Variants in GRIK4 observed in about 807,000 individuals in gnomAD.
GRIK4 encodes the protein glutamate receptor ionotropic, kainate 4.
A neutral mutation model predicts 104.9 loss-of-function variants in GRIK4; 40 were observed. The ratio of observed to expected loss-of-function variants is 0.38; its 90% CI spans 0.30 to 0.50. The LOEUF (loss-of-function observed/expected upper bound fraction) is 0.50. Among genes scored for constraint, GRIK4 ranks in the 20% least tolerant of loss-of-function variants. The pLI is 0.93. For synonymous variants in GRIK4, 485 were observed against 524.9 expected (o/e 0.92, Z 1.04); for missense variants, 1,047 against 1,308.1 (o/e 0.80, Z 3.08).
At chr11:120,644,653 G>A (rs908526641) in intron 1 of GRIK4, among the ~76,000 whole-genome samples, 36 of 152,200 alleles carry the variant, frequency 2.4e-4, no homozygotes, top group African/African-American at 8.4e-4. Context: ...CAGGCCAGGA[G>A]GAAAGTCCAA....
intron 3 of GRIK4, among the ~76,000 whole-genome samples, chr11:120,795,507 C>T (rs1022808179): frequency 3.3e-5 from 5 of 152,192 alleles, no homozygotes; most frequent in African/African-American, 9.7e-5. Flanking sequence ...AAAAGACAAG[C>T]GGCCTTGAAT....
chr11:120,821,318 T>A (rs1220464695), intron 6 of GRIK4, among the ~76,000 whole-genome samples: 1 of 152,034 alleles, frequency 6.6e-6, no homozygotes, highest in Non-Finnish European at 1.5e-5. Context: ...ATAAAAATGA[T>A]TTAGAAAAGG....
chr11:120,598,454 C>A (rs188228252), intron 1 of GRIK4, among the ~76,000 whole-genome samples: 8 of 152,302 alleles, frequency 5.3e-5, no homozygotes, highest in African/African-American at 1.9e-4. Context: ...AACCTGCCCA[C>A]CCCCTGAGGA....
intron 1 of GRIK4, among the ~76,000 whole-genome samples, chr11:120,597,980 T>C (rs1395193267): frequency 6.6e-6 from 1 of 152,186 alleles, no homozygotes; most frequent in African/African-American, 2.4e-5. Flanking sequence ...GCGGTGAATG[T>C]TGGATGAAAC....
chr11:120,809,618 G>T (rs1565365427), intron 4 of GRIK4, among the ~76,000 whole-genome samples: 3 of 152,208 alleles, frequency 2.0e-5, no homozygotes, highest in Non-Finnish European at 4.4e-5. Flanking sequence ...TTTTGCCAGG[G>T]CTGAATAGAC....
chr11:120,829,457 C>T (rs575240169), intron 6 of GRIK4, among the ~76,000 whole-genome samples: 2 of 152,228 alleles, frequency 1.3e-5, no homozygotes, highest in East Asian at 3.9e-4. Context: ...CTGCGAGTGC[C>T]GGGACCCTAA....
intron 1 of GRIK4, among the ~76,000 whole-genome samples, chr11:120,640,901 A>G (rs1427348099): frequency 6.6e-6 from 1 of 152,164 alleles, no homozygotes; most frequent in African/African-American, 2.4e-5. Context: ...TAGTGGAGAT[A>G]GGGTTTCACC....
intron 3 of GRIK4, among the ~76,000 whole-genome samples, chr11:120,673,753 C>A (rs915801552): frequency 2.0e-5 from 3 of 152,200 alleles, no homozygotes; most frequent in African/African-American, 7.2e-5. Flanking sequence ...GGAACCTGGA[C>A]CTAGCATCTC....
At chr11:120,710,030 A>G (rs1421050507) in intron 3 of GRIK4, among the ~76,000 whole-genome samples, 4 of 152,196 alleles carry the variant, frequency 2.6e-5, no homozygotes, top group African/African-American at 9.6e-5. Context: ...CATAACCAGA[A>G]TGCTGTACCT....
At chr11:120,950,305 C>T (rs758887858) in intron 14 of GRIK4, among the ~76,000 whole-genome samples, 6 of 152,124 alleles carry the variant, frequency 3.9e-5, no homozygotes, top group Non-Finnish European at 7.4e-5. Context: ...GGTTTTTGTT[C>T]GTGTGATGTT....
chr11:120,828,280 G>A (rs1237056751), intron 6 of GRIK4, among the ~76,000 whole-genome samples: 2 of 152,152 alleles, frequency 1.3e-5, no homozygotes, highest in Non-Finnish European at 2.9e-5. Context: ...ACACATCTAT[G>A]CACATACACA....
At chr11:120,650,772 C>T (rs745416995) in intron 1 of GRIK4, among the ~76,000 whole-genome samples, 5 of 152,208 alleles carry the variant, frequency 3.3e-5, no homozygotes, top group African/African-American at 4.8e-5. Flanking sequence ...TAGTGGCATT[C>T]GGTATGTGTA....
chr11:120,930,433 T>C (rs888260029), intron 13 of GRIK4, among the ~76,000 whole-genome samples: 6 of 152,196 alleles, frequency 3.9e-5, no homozygotes, highest in African/African-American at 7.2e-5. Context: ...TTAATTCCCA[T>C]AGAAGCTCCA....
intron 3 of GRIK4, among the ~76,000 whole-genome samples, chr11:120,675,165 G>A (rs113180745): frequency 1.1e-4 from 16 of 152,228 alleles, no homozygotes; most frequent in African/African-American, 3.1e-4. Context: ...CCCCTTTGGC[G>A]CTTTCCCTTT....
At chr11:120,677,350 C>T (rs905961793) in intron 3 of GRIK4, among the ~76,000 whole-genome samples, 1 of 152,304 alleles carries the variant, frequency 6.6e-6, no homozygotes, top group Non-Finnish European at 1.5e-5. Context: ...CATCCCGCCA[C>T]AGTCCCAGCA....
intron 3 of GRIK4, among the ~76,000 whole-genome samples, chr11:120,668,060 G>A (rs1949946608): frequency 6.6e-6 from 1 of 151,990 alleles, no homozygotes; most frequent in African/African-American, 2.4e-5. Flanking sequence ...TCCATCCTGG[G>A]TGACAGAGTG....
chr11:120,684,775 A>G (rs1162753375), intron 3 of GRIK4, among the ~76,000 whole-genome samples: 1 of 151,930 alleles, frequency 6.6e-6, no homozygotes, highest in South Asian at 2.1e-4. Context: ...CAGTGGCGCG[A>G]TCTCAGCTCA....
chr11:120,828,190 A>T (rs998156099), intron 6 of GRIK4, among the ~76,000 whole-genome samples: 3 of 152,238 alleles, frequency 2.0e-5, no homozygotes, highest in Admixed American at 2.0e-4. Context: ...CACTGGGGTT[A>T]TGCAGGGAAG....
At chr11:120,727,898 A>G (rs1012322600) in intron 3 of GRIK4, among the ~76,000 whole-genome samples, 4 of 152,182 alleles carry the variant, frequency 2.6e-5, no homozygotes, top group Admixed American at 6.5e-5. Flanking sequence ...TAAGAATGTG[A>G]TAAATATGGT....
Sources: allele counts gnomAD v4.1 joint callset (sites outside exome capture counted in the v4.1 genomes callset), GRCh38; gene constraint gnomAD v4.1.1; transcripts MANE v1.5; gene names NCBI Gene and HGNC (gene_info 2026-07-23, HGNC 2026-07-21).